The following OTOGL variants were observed in gnomAD, a reference collection of about 807,000 sequenced individuals.
OTOGL encodes the protein otogelin-like protein.
In OTOGL, 285 loss-of-function variants were observed where a neutral mutation model predicts 318.5. That is an observed-to-expected ratio of 0.89 (90% CI 0.81 to 0.99). The LOEUF (loss-of-function observed/expected upper bound fraction) is 0.99, where lower values mean the gene tolerates loss of function less well. OTOGL is among the 50% of genes least tolerant of loss of function. The pLI is 0.00. For synonymous variants in OTOGL, 987 were observed against 936.5 expected, an observed-to-expected ratio of 1.05 and a Z score of -0.99; for missense variants, 2,899 against 2,845.6, an observed-to-expected ratio of 1.02 and a Z score of -0.43.
chr12:80,176,972 C>T (rs1342618946), intron 1 of OTOGL, among the ~76,000 whole-genome samples: 1 of 152,022 alleles, frequency 6.6e-6, no homozygotes, highest in Admixed American at 6.6e-5. Flanking sequence ...AGCATCTGTT[C>T]ATGTGCTTGT....
chr12:80,293,669 TA>T (rs1385739157), intron 26 of OTOGL, among the ~76,000 whole-genome samples: 2 of 152,134 alleles, frequency 1.3e-5, no homozygotes, highest in African/African-American at 2.4e-5. Context: ...TTTTTTTTTT[TA>T]CCTGGTCAGC....
chr12:80,170,178 G>GGTGTGTGTGTGTGTGTGTGTGTGT (rs532627744), intron 1 of OTOGL, among the ~76,000 whole-genome samples: 3 of 144,148 alleles, frequency 2.1e-5, no homozygotes, highest in Non-Finnish European at 1.5e-5. Flanking sequence ...CTTTGTCAGG[G>GGTGTGTGTGTGTGTGTGTGTGTGT]GTGTGTGTGT....
Position 80,284,433 on chromosome 12 carries a change from A to G in OTOGL, c.2928+5267A>G, listed in dbSNP as rs1884463396. On this transcript the variant is annotated intron_variant, in intron 26 of 58. Coordinates refer to ENST00000547103, the MANE Select transcript of OTOGL (RefSeq NM_001378609.3). ...TGGGTCAAGTGGTATTTCTGGTTCT[A>G]GATCCTTGAGGAATTGCTACACTGT... is the stretch of plus-strand genomic sequence containing the variant. Among the ~76,000 whole-genome samples, 3 of 152,312 alleles carry G rather than the reference A, an allele frequency of 2.0e-5. No homozygotes were observed. The South Asian group carries it at 6.2e-4, about 32-fold the overall frequency.
intron 52 of OTOGL, among the ~76,000 whole-genome samples, chr12:80,365,515 A>C (rs1247973344): frequency 6.6e-6 from 1 of 152,166 alleles, no homozygotes; most frequent in African/African-American, 2.4e-5. Context: ...ATTAAAAAAC[A>C]GGTACATATG....
intron 1 of OTOGL, among the ~76,000 whole-genome samples, chr12:80,146,400 G>GC (rs1253359896): frequency 6.6e-6 from 1 of 150,928 alleles, no homozygotes; most frequent in African/African-American, 2.5e-5. Context: ...GCATCCCAGG[G>GC]ATGAAGCCCT....
intron 1 of OTOGL, among the ~76,000 whole-genome samples, chr12:80,175,387 T>C (rs144635120): frequency 1.3e-5 from 2 of 152,290 alleles, no homozygotes; most frequent in Non-Finnish European, 2.9e-5. Flanking sequence ...AAAAACTTCT[T>C]ATTCAGAAAA....
intron 1 of OTOGL, among the ~76,000 whole-genome samples, chr12:80,136,778 CTGTT>C (rs1476608940): frequency 6.6e-6 from 1 of 152,142 alleles, no homozygotes; most frequent in East Asian, 1.9e-4. Context: ...TCTTCATTCT[CTGTT>C]TTTTTCTCTA....
In OTOGL at chr12:80,379,404, G is replaced by A. The variant is rs1891346446; in HGVS notation, c.*1356G>A. On this transcript the variant is annotated 3_prime_UTR_variant, in exon 59 of 59. Coordinates refer to ENST00000547103, the MANE Select transcript of OTOGL (RefSeq NM_001378609.3). ...CAAAATCATGTGTCCCCAAAATATT[G>A]CAACTTACTGAATATTTTAGATCTC... is the stretch of plus-strand genomic sequence containing the variant. The A allele has an allele frequency of 6.6e-6, 1 of 151,772 alleles. No individual in the cohort carries two copies. Among genetic ancestry groups the A allele is most frequent in the African/African-American group, 2.4e-5 (1 of 41,360 alleles). The allele number at this position is 151,772 out of a possible 1,614,324, so 9.4% of individuals were successfully genotyped here.
At chr12:80,108,720 C>G (rs185261945) in intron 1 of OTOGL, among the ~76,000 whole-genome samples, 1 of 146,970 alleles carries the variant, frequency 6.8e-6, no homozygotes, top group Non-Finnish European at 1.5e-5. Flanking sequence ...CACCTCCTTT[C>G]TTTAGTAACA....
chr12:80,228,416 T>G (rs1281641530), intron 7 of OTOGL, among the ~76,000 whole-genome samples: 1 of 152,034 alleles, frequency 6.6e-6, no homozygotes, highest in Non-Finnish European at 1.5e-5. Context: ...CACTCCAGCG[T>G]GGGTGACAGA....
At chr12:80,250,038 G>GCA (rs1881381478) in intron 11 of OTOGL, among the ~76,000 whole-genome samples, 1 of 151,894 alleles carries the variant, frequency 6.6e-6, no homozygotes, top group African/African-American at 2.4e-5. Flanking sequence ...CACGGTGCGC[G>GCA]CACCCACTGA....
intron 1 of OTOGL, among the ~76,000 whole-genome samples, chr12:80,123,039 T>C (rs899616514): frequency 2.0e-5 from 3 of 152,118 alleles, no homozygotes; most frequent in Non-Finnish European, 4.4e-5. Context: ...CTTTTCTTTT[T>C]TTTTTTAATT....
At chr12:80,118,759 GATGAAAGCTAA>G (rs1356626911) in intron 1 of OTOGL, among the ~76,000 whole-genome samples, 3 of 151,902 alleles carry the variant, frequency 2.0e-5, no homozygotes, top group African/African-American at 7.3e-5. Flanking sequence ...GTAGGAAAAA[GATGAAAGCTAA>G]AAATAGTATA....
At chr12:80,152,554 G>C (rs1872849818) in intron 1 of OTOGL, among the ~76,000 whole-genome samples, 1 of 152,184 alleles carries the variant, frequency 6.6e-6, no homozygotes, top group African/African-American at 2.4e-5. Flanking sequence ...GAACTCAAGA[G>C]TAAAACAGTC....
In OTOGL at chr12:80,255,068, C is replaced by T; in HGVS notation, c.1470C>T (p.His490=). The T allele has an allele frequency of 6.6e-7, 1 of 1,512,886 alleles. No homozygotes were observed. Among genetic ancestry groups the T allele is most frequent in the Non-Finnish European group, 8.8e-7 (1 of 1,134,064 alleles). The allele number at this position is 1,512,886 out of a possible 1,614,324, so 93.7% of individuals were successfully genotyped here. Residue 490 remains histidine, a synonymous_variant, in exon 16 of 59, where the codon CAC becomes CAT. Coordinates refer to ENST00000547103, the MANE Select transcript of OTOGL (RefSeq NM_001378609.3). ...PVQCSVVGDS[H]FTTFDGRHYS... ...AATGCTCAGTTGTAGGTGATTCTCACTTTACAACTTTTGATGGTCGACATT... is the reference window on the plus strand; with the variant it reads ...AATGCTCAGTTGTAGGTGATTCTCATTTTACAACTTTTGATGGTCGACATT...
At chr12:80,222,477 G>T (rs1005214606) in intron 7 of OTOGL, among the ~76,000 whole-genome samples, 1 of 152,118 alleles carries the variant, frequency 6.6e-6, no homozygotes, top group African/African-American at 2.4e-5. Context: ...CCCTCAGTAT[G>T]AACCAGAGGC....
In OTOGL at chr12:80,108,701, G is replaced by A. The variant is rs192731608; in HGVS notation, c.-20+9096G>A. ...TTAGCTGACATTCTTCTATAAAGAC[G>A]TTCTCCCCCACCTCCTTTCTTTAGT... On this transcript the variant is annotated intron_variant, in intron 1 of 58. Transcript: ENST00000547103. 4.0e-3 allele frequency among the ~76,000 whole-genome samples: 588 copies of A among 147,640 alleles called. 4 individuals carry two copies. Among genetic ancestry groups the A allele is most frequent in the African/African-American group, 0.014 (566 of 40,148 alleles).
Position 80,352,309 on chromosome 12 carries a change from C to G in OTOGL, c.5280C>G (p.Asp1760Glu). Reference protein sequence around the residue: ...IPCHDKVSPEDFCEKMWINYT... With the variant: ...IPCHDKVSPEEFCEKMWINYT... ...TGTTTCTCTAGGTTTCACCGGAAGA[C>G]TTTTGTGAAAAGATGTGGATCAATT... The change falls in exon 45 of 59, where the codon GAC becomes GAG. Residue 1760 changes from aspartate to glutamate, a missense_variant. By Grantham distance (45) the Asp-to-Glu change is conservative. Coordinates refer to ENST00000547103, the MANE Select transcript of OTOGL (RefSeq NM_001378609.3). 1 of 1,607,386 alleles carries G rather than the reference C, an allele frequency of 6.2e-7. No individual in the cohort carries two copies. Among genetic ancestry groups the G allele is most frequent in the South Asian group, 1.1e-5 (1 of 89,090 alleles).
chr12:80,344,580 G>A (rs1889041531), intron 44 of OTOGL, among the ~76,000 whole-genome samples: 1 of 152,176 alleles, frequency 6.6e-6, no homozygotes, highest in African/African-American at 2.4e-5. Context: ...ATCAAATTAT[G>A]TTGTGTCTTA....
Sources: allele counts gnomAD v4.1 joint callset (sites outside exome capture counted in the v4.1 genomes callset), GRCh38; gene constraint gnomAD v4.1.1; transcripts MANE v1.5; gene names NCBI Gene and HGNC (gene_info 2026-07-23, HGNC 2026-07-21).